Variants in DTHD1 observed in about 807,000 individuals in gnomAD.
DTHD1 encodes death domain-containing protein 1.
Under a neutral mutation model 74.8 loss-of-function variants are expected in DTHD1, and 59 were observed. The observed-to-expected ratio is 0.79, with a 90% CI of 0.64 to 0.98. DTHD1 has a LOEUF of 0.98. Among genes scored for constraint, DTHD1 ranks in the 50% least tolerant of loss-of-function variants. The pLI is 0.00. For synonymous variants in DTHD1, 365 were observed against 371.1 expected (o/e 0.98, Z 0.19); for missense variants, 1,051 against 1,065.4 (o/e 0.99, Z 0.19).
chr4:36,338,291 A>C (rs931812579), intron 8 of DTHD1, among the ~76,000 whole-genome samples: 1 of 152,150 alleles, frequency 6.6e-6, no homozygotes, highest in Non-Finnish European at 1.5e-5. Flanking sequence ...CCATGTATCA[A>C]TGTTTTGTTT....
chr4:36,290,297 C>T, intron 2 of DTHD1, 76 bp from the exon 3 acceptor site: 1 of 1,360,798 alleles, frequency 7.3e-7, no homozygotes, highest in Non-Finnish European at 9.9e-7. Flanking sequence ...GATCTAGAGT[C>T]TGTGCTTTTC....
Position 36,339,104 on chromosome 4 carries a change from C to A in DTHD1, c.2341-8C>A. 3 of 1,544,586 alleles carry A rather than the reference C, an allele frequency of 1.9e-6. No individual in the cohort carries two copies. Among genetic ancestry groups the A allele is most frequent in the Non-Finnish European group, 1.8e-6 (2 of 1,142,016 alleles). ...TTCTGTTTATTTTGTGTTCCTTTCC[C>A]CCAATAGCATAAGAAATTAATCAAC... On this transcript the variant is annotated splice_polypyrimidine_tract_variant and splice_region_variant and intron_variant, in intron 8 of 9. Transcript: ENST00000639862.
Position 36,347,428 on chromosome 4 carries a change from C to G in DTHD1, c.*3604C>G, listed in dbSNP as rs1366236818. On this transcript the variant is annotated 3_prime_UTR_variant, in exon 10 of 10. Transcript: ENST00000639862. Reference sequence around the variant, plus strand: ...ATTAGACTGTAGTCCCAATATATACCTAAGAGCAAAGTGATAGTTTACCAT... The same window carrying G: ...ATTAGACTGTAGTCCCAATATATACGTAAGAGCAAAGTGATAGTTTACCAT... 6.6e-6 allele frequency among the ~76,000 whole-genome samples: 1 copy of G among 151,876 alleles called. No homozygotes were observed. Among genetic ancestry groups the G allele is most frequent in the Admixed American group, 6.6e-5 (1 of 15,240 alleles).
At chr4:36,327,226 C>T (rs1042669482) in intron 8 of DTHD1, among the ~76,000 whole-genome samples, 1 of 152,154 alleles carries the variant, frequency 6.6e-6, no homozygotes. Context: ...CTTGGCCTCC[C>T]AAAATGCGGG....
intron 8 of DTHD1, among the ~76,000 whole-genome samples, chr4:36,327,217 T>C (rs1758404648): frequency 6.6e-6 from 1 of 152,196 alleles, no homozygotes; most frequent in Non-Finnish European, 1.5e-5. Context: ...TCCACCTGCC[T>C]TGGCCTCCCA....
chr4:36,281,869 G>T lies in DTHD1; in HGVS notation c.111G>T (p.Gly37=). Residue 37 remains glycine, a synonymous_variant, in exon 1 of 10, where the codon GGG becomes GGT. Transcript: ENST00000639862. ...QALLGDDLCE[G]AGGATWMATV... ...TCTTGGGTGATGACCTTTGTGAGGG[G>T]GCTGGTGGGGCCACTTGGATGGCCA... The T allele has an allele frequency of 7.9e-7, 1 of 1,270,886 alleles. No individual in the cohort carries two copies. The highest frequency in any genetic ancestry group is 9.9e-7 in the Non-Finnish European group (1 of 1,005,644). 78.7% of individuals were successfully genotyped at this position (1,270,886 alleles called of 1,614,324 possible).
chr4:36,304,248 A>G (rs1251224291), intron 5 of DTHD1, among the ~76,000 whole-genome samples: 2 of 152,224 alleles, frequency 1.3e-5, no homozygotes, highest in African/African-American at 4.8e-5. Flanking sequence ...CTAGTAAATG[A>G]CCAATATTCT....
chr4:36,292,151 G>A (rs1207710772), intron 3 of DTHD1, among the ~76,000 whole-genome samples: 2 of 152,134 alleles, frequency 1.3e-5, no homozygotes, highest in Admixed American at 1.3e-4. Context: ...AGTATCAGAA[G>A]TTTATAGGTA....
intron 5 of DTHD1, among the ~76,000 whole-genome samples, chr4:36,297,761 TG>T (rs1756520429): frequency 6.6e-6 from 1 of 152,070 alleles, no homozygotes; most frequent in African/African-American, 2.4e-5. Context: ...CACGTGTGCA[TG>T]GGTGGGGTTG....
chr4:36,305,090 G>A (rs572980772), intron 5 of DTHD1, among the ~76,000 whole-genome samples: 2 of 152,294 alleles, frequency 1.3e-5, no homozygotes, highest in South Asian at 4.1e-4. Flanking sequence ...GGCTACACAA[G>A]AAGGAAAATT....
At chr4:36,301,561 C>T (rs2109481659) in intron 5 of DTHD1, among the ~76,000 whole-genome samples, 1 of 152,216 alleles carries the variant, frequency 6.6e-6, no homozygotes, top group East Asian at 1.9e-4. Context: ...TATCTGACGC[C>T]CTCCACATTT....
At chr4:36,299,082 C>A (rs1188778316) in intron 5 of DTHD1, among the ~76,000 whole-genome samples, 3 of 152,128 alleles carry the variant, frequency 2.0e-5, no homozygotes, top group Non-Finnish European at 4.4e-5. Context: ...TCACCACAGT[C>A]ACTCATCCCC....
chr4:36,301,275 T>C (rs1180992955), intron 5 of DTHD1, among the ~76,000 whole-genome samples: 1 of 152,182 alleles, frequency 6.6e-6, no homozygotes, highest in Non-Finnish European at 1.5e-5. Flanking sequence ...TTTCTATCCA[T>C]GCAGATGCAG....
intron 5 of DTHD1, among the ~76,000 whole-genome samples, chr4:36,299,475 CTATG>C (rs1414721177): frequency 6.6e-6 from 1 of 152,130 alleles, no homozygotes; most frequent in Non-Finnish European, 1.5e-5. Flanking sequence ...TGTTTTGCGT[CTATG>C]TATGATCTGT....
At chr4:36,307,649 T>C (rs2109497398) in intron 6 of DTHD1, among the ~76,000 whole-genome samples, 1 of 152,332 alleles carries the variant, frequency 6.6e-6, no homozygotes, top group East Asian at 1.9e-4. Flanking sequence ...CAGAGATGCG[T>C]ATTTTAATCC....
chr4:36,324,221 C>A (rs1414169328), intron 8 of DTHD1, among the ~76,000 whole-genome samples: 1 of 151,796 alleles, frequency 6.6e-6, no homozygotes, highest in Admixed American at 6.6e-5. Context: ...TTCCTCTGCA[C>A]CTTCTTTTTC....
At chr4:36,342,947 G>T (rs1030511819) in intron 9 of DTHD1, among the ~76,000 whole-genome samples, 1 of 140,148 alleles carries the variant, frequency 7.1e-6, no homozygotes, top group Admixed American at 7.3e-5. Context: ...AAATCCCATC[G>T]TGTGGTGGCT....
rs1759479282 is a variant in DTHD1, at chr4:36,344,224, A to G, written c.*400A>G. 5.7e-6 allele frequency: 1 copy of G among 176,290 alleles called. No individual in the cohort carries two copies. The highest frequency in any genetic ancestry group is 2.4e-5 in the African/African-American group (1 of 41,850). 10.9% of individuals were successfully genotyped at this position (176,290 alleles called of 1,614,324 possible). ...TCAAGTGTGAGCCCAAAAATATCTGAGACAGTTCTCAATCAATTTAGAAAG... is the reference window on the plus strand; with the variant it reads ...TCAAGTGTGAGCCCAAAAATATCTGGGACAGTTCTCAATCAATTTAGAAAG... On this transcript the variant is annotated 3_prime_UTR_variant, in exon 10 of 10. Coordinates refer to ENST00000639862, the MANE Select transcript of DTHD1 (RefSeq NM_001170700.3).
intron 5 of DTHD1, among the ~76,000 whole-genome samples, chr4:36,296,129 G>T (rs1442825694): frequency 6.6e-6 from 1 of 152,096 alleles, no homozygotes; most frequent in Admixed American, 6.6e-5. Context: ...AAATCAATCT[G>T]GTATCAGTTT....
Sources: gnomAD v4.1 joint callset for allele counts (sites outside exome capture counted in the v4.1 genomes callset) on GRCh38, gnomAD v4.1.1 for gene constraint, MANE v1.5 for transcripts, NCBI Gene and HGNC (gene_info 2026-07-23, HGNC 2026-07-21) for gene names.